CLSPN: variants seen among roughly 807,000 people sequenced by gnomAD.
The protein encoded by CLSPN is claspin homolog.
A neutral mutation model predicts 156.3 loss-of-function variants in CLSPN; 85 were observed. The ratio of observed to expected loss-of-function variants is 0.54; its 90% CI spans 0.46 to 0.65. The LOEUF is 0.65. Ranked by LOEUF, CLSPN falls within the 30% of genes least tolerant of loss-of-function variation. The pLI is 0.00. For synonymous variants in CLSPN, 534 were observed against 542.4 expected (o/e 0.98, Z 0.22); for missense variants, 1,407 against 1,554.9 (o/e 0.90, Z 1.60).
At position 35,748,441 on chromosome 1, in the gene CLSPN, C is replaced by T; in HGVS notation, c.2436G>A (p.Gly812=). 6.2e-7 allele frequency: 1 copy of T among 1,614,068 alleles called. No individual in the cohort carries two copies. Among genetic ancestry groups the T allele is most frequent in the Non-Finnish European group, 8.5e-7 (1 of 1,180,008 alleles). Residue 812 remains glycine (G), a synonymous_variant, in exon 13 of 25, where the codon GGG becomes GGA. Coordinates refer to ENST00000318121, the MANE Select transcript of CLSPN (RefSeq NM_022111.4). The part of the protein sequence containing the change: ...TAGGFRSPSP[G]LFRASLVSSA... ...AGCTGACCAAACTGGCTCGAAATAG[C>T]CCAGGGGAAGGAGATCTGAATCCTC...
intron 8 of CLSPN, among the ~76,000 whole-genome samples, chr1:35,756,365 A>G (rs1254759713): frequency 6.6e-6 from 1 of 152,190 alleles, no homozygotes; most frequent in Non-Finnish European, 1.5e-5. Context: ...GTAGTCAGGC[A>G]AGAGGTATCT....
chr1:35,733,265 G>A lies in CLSPN; in HGVS notation c.*3231C>T, dbSNP rs373621945. Among the ~76,000 whole-genome samples, 14 of 150,652 alleles carry A rather than the reference G, an allele frequency of 9.3e-5. No individual in the cohort carries two copies. The East Asian group carries it at 1.8e-3, about 19-fold the overall frequency. On this transcript the variant is annotated 3_prime_UTR_variant, in exon 25 of 25. Coordinates refer to ENST00000318121, the MANE Select transcript of CLSPN (RefSeq NM_022111.4). Reference sequence around the variant, plus strand: ...TTACAGGCATAAGCCACCACGCCCAGCCCAGAAACCATTTTCTCCCTGGAT... The same window carrying A: ...TTACAGGCATAAGCCACCACGCCCAACCCAGAAACCATTTTCTCCCTGGAT...
rs757454704 is a variant in CLSPN at position 35,746,694 on chromosome 1, G to T, written c.2854+72C>A. ...ATTACAGGCATGAGCCACCCCACCC[G>T]CCCAGGGAATTCTTTTCAAGGGCAC... On this transcript the variant is annotated intron_variant, in intron 15 of 24. Transcript: ENST00000318121. The surrounding 1 kb of genome is among the most constrained non-coding windows in gnomAD (Gnocchi z 4.2). 2 of 1,063,320 alleles carry T rather than the reference G, an allele frequency of 1.9e-6. No homozygotes were observed. Among genetic ancestry groups the T allele is most frequent in the Non-Finnish European group, 1.4e-6 (1 of 691,710 alleles). 65.9% of individuals were successfully genotyped at this position (1,063,320 alleles called of 1,614,324 possible). A position where few individuals can be genotyped will look rare whatever the true frequency, so the allele number is the denominator to read the frequency against.
chr1:35,754,009 G>T, intron 8 of CLSPN, 73 bp from the exon 9 acceptor site: 2 of 1,378,252 alleles, frequency 1.5e-6, no homozygotes, highest in Non-Finnish European at 9.9e-7. Context: ...TATAAGCTAA[G>T]TTTTTTTTAG....
At chr1:35,759,173 T>C (rs953296525) in intron 8 of CLSPN, among the ~76,000 whole-genome samples, 4 of 152,314 alleles carry the variant, frequency 2.6e-5, no homozygotes, top group Admixed American at 2.6e-4. Context: ...ATTCATTTGA[T>C]AAATACAAGT....
downstream of CLSPN, among the ~76,000 whole-genome samples, chr1:35,729,811 C>G (rs530360718): frequency 6.6e-6 from 1 of 152,374 alleles, no homozygotes; most frequent in East Asian, 1.9e-4. Flanking sequence ...AGTGCAGCCT[C>G]TTAAATATGT....
rs1230236314 is a variant in CLSPN at position 35,733,538 on chromosome 1, C to A, written c.*2958G>T. 3 of 985,244 alleles carry A rather than the reference C, an allele frequency of 3.0e-6. No homozygotes were observed. The highest frequency in any genetic ancestry group is 3.6e-6 in the Non-Finnish European group (3 of 829,912). The allele number at this position is 985,244 out of a possible 1,614,324, so 61.0% of individuals were successfully genotyped here. On this transcript the variant is annotated 3_prime_UTR_variant, in exon 25 of 25. Coordinates refer to ENST00000318121, the MANE Select transcript of CLSPN (RefSeq NM_022111.4). ...AAACAAGAGGGAAGAAATATCTAGCCTTCCTGCTCAGTTCTCTTTTGCCCA... is the reference window on the plus strand; with the variant it reads ...AAACAAGAGGGAAGAAATATCTAGCATTCCTGCTCAGTTCTCTTTTGCCCA...
chr1:35,736,694 T>G, intron 24 of CLSPN, 88 bp from the exon 25 acceptor site: 1 of 1,499,830 alleles, frequency 6.7e-7, no homozygotes, highest in Admixed American at 2.4e-5. Context: ...TCATAAATTG[T>G]GGATGATTAA....
chr1:35,751,241 G>T lies in CLSPN; in HGVS notation c.2028+9C>A. 2 of 1,595,478 alleles carry T rather than the reference G, an allele frequency of 1.3e-6. No individual in the cohort carries two copies. The highest frequency in any genetic ancestry group is 1.7e-6 in the Non-Finnish European group (2 of 1,178,344). On this transcript the variant is annotated intron_variant, in intron 10 of 24. Coordinates refer to ENST00000318121, the MANE Select transcript of CLSPN (RefSeq NM_022111.4). ...GACAAGGTAACAAAACAACGTAATT[G>T]CCAGAAACCTCCTGATTTCCTTCTT...
At chr1:35,721,948 G>A (rs1187547582) in intron 24 of CLSPN, among the ~76,000 whole-genome samples, 3 of 151,730 alleles carry the variant, frequency 2.0e-5, no homozygotes, top group African/African-American at 7.3e-5. Flanking sequence ...AGACAAGCTT[G>A]GCCAACATGA....
At chr1:35,722,253 CTTTT>C (rs568124252) in intron 24 of CLSPN, among the ~76,000 whole-genome samples, 3 of 124,640 alleles carry the variant, frequency 2.4e-5, no homozygotes, top group Non-Finnish European at 1.6e-5. Flanking sequence ...CTAGTTATTC[CTTTT>C]TTTTTTTTTT....
Position 35,743,532 on chromosome 1 carries a change from TA to T in CLSPN, c.2967-3del, listed in dbSNP as rs752856837. On this transcript the variant is annotated splice_region_variant and splice_polypyrimidine_tract_variant and intron_variant, in intron 16 of 24. Transcript: ENST00000318121. ...TCCTCCTCCTCGTCTTCCTCTTCCC[TA>T]AAATGTAAATCAATGAATCAATAAA... 5.0e-6 allele frequency: 8 copies of T among 1,610,078 alleles called. No homozygotes were observed. In the African/African-American group the frequency reaches 1.1e-4, roughly 22 times the overall value.
At chr1:35,748,843 T>C in intron 12 of CLSPN, 1 of 454,532 alleles carries the variant, frequency 2.2e-6, no homozygotes, top group Non-Finnish European at 3.8e-6. Context: ...TTTTTTTTTT[T>C]TTGAGACAGT....
In CLSPN at chr1:35,736,101, C is replaced by T. The variant is rs980605981; in HGVS notation, c.*395G>A. ...GGCGTATTGGCACATGCCTGTAATC[C>T]CAGCTACTCGGGAGGCTGAAGGAGG... On this transcript the variant is annotated 3_prime_UTR_variant, in exon 25 of 25. Transcript: ENST00000318121. 25 of 554,386 alleles carry T rather than the reference C, an allele frequency of 4.5e-5. No individual in the cohort carries two copies. In the African/African-American group the frequency reaches 5.1e-4, roughly 11 times the overall value. 34.3% of individuals were successfully genotyped at this position (554,386 alleles called of 1,614,324 possible). A position where few individuals can be genotyped will look rare whatever the true frequency, so the allele number is the denominator to read the frequency against.
intron 24 of CLSPN, among the ~76,000 whole-genome samples, chr1:35,722,850 C>CA (rs1248236509): frequency 1.3e-5 from 2 of 152,082 alleles, no homozygotes; most frequent in Non-Finnish European, 2.9e-5. Flanking sequence ...AGGCTGGTCT[C>CA]AAATTCCTGG....
downstream of CLSPN, among the ~76,000 whole-genome samples, chr1:35,727,702 G>A (rs538022134): frequency 6.6e-6 from 1 of 152,314 alleles, no homozygotes; most frequent in African/African-American, 2.4e-5. Context: ...CATTTGTTGA[G>A]ATTTACTCTG....
At chr1:35,751,529 G>A in intron 9 of CLSPN, 23 bp from the exon 10 acceptor site, 1 of 1,601,322 alleles carries the variant, frequency 6.2e-7, no homozygotes, top group Non-Finnish European at 8.5e-7. Context: ...ATGTAGAAAT[G>A]CTTTAGACAT....
intron 1 of CLSPN, among the ~76,000 whole-genome samples, chr1:35,765,994 C>CTCTCTTTT (rs60908491): frequency 1.9e-5 from 2 of 106,484 alleles, no homozygotes; most frequent in African/African-American, 3.7e-5. Flanking sequence ...CTCTCTCTCT[C>CTCTCTTTT]TTTTTTTTTT....
chr1:35,766,784 C>T (rs776900646), intron 1 of CLSPN, among the ~76,000 whole-genome samples: 6 of 150,290 alleles, frequency 4.0e-5, no homozygotes, highest in Non-Finnish European at 8.9e-5. Flanking sequence ...GACGGAGTTT[C>T]GCTCTTATTG....
Sources: gnomAD v4.1 joint callset for allele counts (sites outside exome capture counted in the v4.1 genomes callset) on GRCh38, gnomAD v4.1.1 for gene constraint, Gnocchi (gnomAD v3.1) non-coding constraint, MANE v1.5 for transcripts, NCBI Gene and HGNC (gene_info 2026-07-23, HGNC 2026-07-21) for gene names.